Variants in KRT8 observed in about 807,000 individuals in gnomAD.
KRT8 encodes the protein keratin 8, also known as keratin, type II cytoskeletal 8.
Under a neutral mutation model 43.0 loss-of-function variants are expected in KRT8, and 24 were observed. That is an observed-to-expected ratio of 0.56 (90% confidence interval 0.40 to 0.78). KRT8 has a LOEUF of 0.78. Ranked by LOEUF, KRT8 falls within the 30% of genes least tolerant of loss-of-function variation. The pLI is 0.00. For synonymous variants in KRT8, 214 were observed against 261.2 expected (o/e 0.82, Z 1.74); for missense variants, 492 against 638.4 (o/e 0.77, Z 2.47).
At chr12:52,927,618 G>A (rs1165376249) in intron 2 of KRT8, among the ~76,000 whole-genome samples, 1 of 152,210 alleles carries the variant, frequency 6.6e-6, no homozygotes, top group African/African-American at 2.4e-5. Context: ...TGCCAGCCAG[G>A]CCTTCTCTGA....
chr12:52,923,822 T>C (rs1177181726), intron 2 of KRT8, among the ~76,000 whole-genome samples: 3 of 152,088 alleles, frequency 2.0e-5, no homozygotes, highest in African/African-American at 7.2e-5. Flanking sequence ...TTGCCTAAAG[T>C]GCTTGCAGTG....
chr12:52,925,422 G>T (rs962273144), intron 2 of KRT8, among the ~76,000 whole-genome samples: 4 of 152,140 alleles, frequency 2.6e-5, no homozygotes, highest in African/African-American at 9.7e-5. Flanking sequence ...TCAGCACTTA[G>T]GTATGAATGG....
exon 1 of KRT8, chr12:52,949,728 C>T (rs1243462946): frequency 1.2e-6 from 1 of 803,356 alleles, no homozygotes; most frequent in Non-Finnish European, 2.2e-6. Context: ...GATTTCCATC[C>T]GCGCACCTAG....
rs117171450 is a variant in KRT8, at chr12:52,934,571, A to C, written c.-47+14885T>G. ...CAGATTCTGTCTCAAAAATAATAAT[A>C]AACCAAAAGAAAAATGAAAAGAATA... On this transcript the variant is annotated intron_variant, in intron 2 of 6. Transcript: ENST00000546826. Among the ~76,000 whole-genome samples the C allele has an allele frequency of 3.1e-4, 47 of 152,282 alleles. 2 individuals are homozygous for C. In the East Asian group the frequency reaches 8.7e-3, roughly 28 times the overall value.
chr12:52,900,682 T>A, exon 4 of KRT8: 1 of 1,607,638 alleles, frequency 6.2e-7, no homozygotes, highest in Non-Finnish European at 8.5e-7. Context: ...TTCATCCACA[T>A]CCTGGGGGAT....
At chr12:52,919,237 A>G (rs1039348607) in intron 2 of KRT8, among the ~76,000 whole-genome samples, 5 of 151,986 alleles carry the variant, frequency 3.3e-5, no homozygotes, top group Non-Finnish European at 7.4e-5. Context: ...AGGATTGGGA[A>G]CCATGGTGAT....
At chr12:52,898,604 CA>C in intron 6 of KRT8, 74 bp downstream of exon 6, 1 of 1,612,416 alleles carries the variant, frequency 6.2e-7, no homozygotes, top group Non-Finnish European at 8.5e-7. Flanking sequence ...CAAGGGGCTT[CA>C]GGGGGCTCCC....
intron 2 of KRT8, among the ~76,000 whole-genome samples, chr12:52,922,293 C>A (rs1449802624): frequency 6.6e-6 from 1 of 151,584 alleles, no homozygotes; most frequent in East Asian, 1.9e-4. Flanking sequence ...CCACCTTATA[C>A]CTCCCTCTCT....
intron 2 of KRT8, among the ~76,000 whole-genome samples, chr12:52,945,236 A>T (rs1942325890): frequency 6.6e-6 from 1 of 152,078 alleles, no homozygotes. Context: ...GGCCCCCTGC[A>T]TGGGTATACC....
At chr12:52,914,138 G>A (rs1197824033) in intron 2 of KRT8, among the ~76,000 whole-genome samples, 4 of 151,942 alleles carry the variant, frequency 2.6e-5, no homozygotes, top group South Asian at 2.1e-4. Context: ...CAGGAGAATC[G>A]CTTGAACCCA....
chr12:52,924,245 G>C (rs898370265), intron 2 of KRT8, among the ~76,000 whole-genome samples: 2 of 152,008 alleles, frequency 1.3e-5, no homozygotes, highest in African/African-American at 2.4e-5. Flanking sequence ...TCAGGAAATC[G>C]AGACCATCCT....
At chr12:52,897,677 T>C (rs1941249500) in intron 7 of KRT8, 59 bp from the exon 8 acceptor site, 21 of 1,596,592 alleles carry the variant, frequency 1.3e-5, no homozygotes, top group Admixed American at 1.7e-5. Context: ...GCAGGCTCCA[T>C]GCCCCTTCTC....
intron 2 of KRT8, among the ~76,000 whole-genome samples, chr12:52,939,728 A>C (rs1173313630): frequency 1.3e-5 from 2 of 152,006 alleles, no homozygotes; most frequent in Admixed American, 1.3e-4. Flanking sequence ...CCTCTCAAAA[A>C]AAAAAAAGAA....
chr12:52,901,909 G>A (rs371623861), exon 2 of KRT8: 9 of 1,611,482 alleles, frequency 5.6e-6, no homozygotes, highest in Middle Eastern at 2.2e-4. Flanking sequence ...GCCAAGCTCC[G>A]CCTCCAGCTT....
intron 2 of KRT8, among the ~76,000 whole-genome samples, chr12:52,923,427 G>C (rs550321744): frequency 6.6e-6 from 1 of 152,110 alleles, no homozygotes; most frequent in African/African-American, 2.4e-5. Context: ...GTTTTGTTTT[G>C]TTTTGTTTTT....
chr12:52,922,245 C>G (rs902439587), intron 2 of KRT8, among the ~76,000 whole-genome samples: 2 of 142,322 alleles, frequency 1.4e-5, no homozygotes, highest in Non-Finnish European at 3.1e-5. Flanking sequence ...AGAGCCAGAA[C>G]TGGACCCCGT....
intron 2 of KRT8, among the ~76,000 whole-genome samples, chr12:52,925,030 G>A (rs1941962578): frequency 6.6e-6 from 1 of 152,178 alleles, no homozygotes; most frequent in South Asian, 2.1e-4. Context: ...GGTCCTAGAT[G>A]GGATCAGGCC....
intron 2 of KRT8, among the ~76,000 whole-genome samples, chr12:52,912,925 G>T (rs1941664238): frequency 6.6e-6 from 1 of 152,012 alleles, no homozygotes; most frequent in Non-Finnish European, 1.5e-5. Flanking sequence ...AGCGTGACCA[G>T]GTACCCTGGC....
chr12:52,939,555 T>C (rs1219211293), intron 2 of KRT8, among the ~76,000 whole-genome samples: 4 of 151,660 alleles, frequency 2.6e-5, no homozygotes, highest in Non-Finnish European at 4.4e-5. Context: ...ACCCCGTCTC[T>C]ACTAAAAAAT....
Sources: allele counts gnomAD v4.1 joint callset (sites outside exome capture counted in the v4.1 genomes callset), GRCh38; gene constraint gnomAD v4.1.1; transcripts MANE v1.5; gene names NCBI Gene and HGNC (gene_info 2026-07-23, HGNC 2026-07-21).